The following CNTN5 variants were observed in gnomAD, a reference collection of about 807,000 sequenced individuals.
CNTN5 encodes contactin-5.
A neutral mutation model predicts 129.1 loss-of-function variants in CNTN5; 77 were observed. The ratio of observed to expected loss-of-function variants is 0.60; its 90% CI spans 0.50 to 0.72. CNTN5 has a LOEUF of 0.72. CNTN5 is among the 30% of genes least tolerant of loss of function. The pLI is 0.00. For missense variants in CNTN5, 1,478 were observed against 1,328.8 expected, an observed-to-expected ratio of 1.11 and a Z score of -1.75; for synonymous variants, 509 against 465.6, an observed-to-expected ratio of 1.09 and a Z score of -1.20.
At chr11:100,346,583 A>G (rs1353996571) in intron 23 of CNTN5, among the ~76,000 whole-genome samples, 1 of 152,128 alleles carries the variant, frequency 6.6e-6, no homozygotes. Context: ...TCAGGACCTC[A>G]GGCTATAATC....
chr11:100,338,635 G>A (rs181614065), intron 21 of CNTN5, among the ~76,000 whole-genome samples: 3 of 152,160 alleles, frequency 2.0e-5, no homozygotes, highest in Non-Finnish European at 4.4e-5. Flanking sequence ...TCGGCCTGCC[G>A]CATTCAAGCC....
intron 6 of CNTN5, among the ~76,000 whole-genome samples, chr11:99,859,577 G>A (rs952030732): frequency 8.5e-5 from 13 of 152,082 alleles, no homozygotes; most frequent in Middle Eastern, 3.4e-3. Flanking sequence ...TATTTATCTC[G>A]TACTTACAGG....
intron 15 of CNTN5, 39 bp from the exon 16 acceptor site, chr11:100,224,653 T>C: frequency 1.3e-6 from 2 of 1,590,736 alleles, no homozygotes; most frequent in South Asian, 2.3e-5. Flanking sequence ...ACTAGGCAGA[T>C]TTGCAACATT....
intron 2 of CNTN5, among the ~76,000 whole-genome samples, chr11:99,426,913 G>A (rs565862986): frequency 6.6e-6 from 1 of 152,204 alleles, no homozygotes; most frequent in Non-Finnish European, 1.5e-5. Context: ...GACTCTAAAA[G>A]CAATACAGAA....
intron 1 of CNTN5, among the ~76,000 whole-genome samples, chr11:99,324,883 C>T (rs1442330480): frequency 5.9e-5 from 9 of 152,092 alleles, no homozygotes; most frequent in South Asian, 2.1e-4. Flanking sequence ...CCTCGTGATC[C>T]GCCTGCCTCG....
Position 100,191,107 on chromosome 11 carries a change from G to C in CNTN5, c.1581-19G>C, listed in dbSNP as rs115119611. 2.0e-6 allele frequency: 3 copies of C among 1,526,186 alleles called. No individual in the cohort carries two copies. 94.5% of individuals were successfully genotyped at this position (1,526,186 alleles called of 1,614,324 possible). On this transcript the variant is annotated intron_variant, in intron 13 of 24. Coordinates refer to ENST00000524871, the MANE Select transcript of CNTN5 (RefSeq NM_014361.4). Reference sequence around the variant, plus strand: ...TTGCAGTAAAACAGAAAAAAAAACTGTTTTTAAATAATTTTCAGAATAGCT... The same window carrying C: ...TTGCAGTAAAACAGAAAAAAAAACTCTTTTTAAATAATTTTCAGAATAGCT...
intron 19 of CNTN5, 125 bp downstream of exon 19, chr11:100,297,820 G>C (rs1951128344): frequency 5.7e-6 from 4 of 699,044 alleles, no homozygotes; most frequent in South Asian, 5.5e-5. Flanking sequence ...TGGGAGGAAG[G>C]AATGAACCAC....
At chr11:99,175,924 T>A (rs1284438367) in intron 1 of CNTN5, among the ~76,000 whole-genome samples, 2 of 152,148 alleles carry the variant, frequency 1.3e-5, no homozygotes, top group African/African-American at 4.8e-5. Context: ...TTTAAAAGTT[T>A]CAGCTGGTTT....
In CNTN5 at chr11:100,141,720, G is replaced by T. The variant is rs150104480; in HGVS notation, c.1581-49406G>T. 6.9e-4 allele frequency among the ~76,000 whole-genome samples: 105 copies of T among 152,198 alleles called. No homozygotes were observed. The East Asian group carries it at 0.018, about 26-fold the overall frequency. ...GCGTAAGAAATCCTAACCTGACAGG[G>T]TTATTCAAGTGATTTAACTGGTGAT... is the stretch of plus-strand genomic sequence containing the variant. On this transcript the variant is annotated intron_variant, in intron 13 of 24. Transcript: ENST00000524871.
chr11:99,254,431 T>C (rs1862273855), intron 1 of CNTN5, among the ~76,000 whole-genome samples: 1 of 152,018 alleles, frequency 6.6e-6, no homozygotes, highest in African/African-American at 2.4e-5. Flanking sequence ...AGTAGTCATT[T>C]TGTTTTTCTC....
At chr11:99,580,225 A>C (rs1289115100) in intron 3 of CNTN5, among the ~76,000 whole-genome samples, 3 of 152,084 alleles carry the variant, frequency 2.0e-5, no homozygotes, top group East Asian at 1.9e-4. Context: ...TGCTGGATTC[A>C]GTTTGCCAGT....
At chr11:99,544,317 C>T (rs901946312) in intron 2 of CNTN5, among the ~76,000 whole-genome samples, 5 of 152,172 alleles carry the variant, frequency 3.3e-5, no homozygotes, top group Non-Finnish European at 7.3e-5. Context: ...TACAACTCAA[C>T]ATGAGATTTA....
chr11:99,719,198 A>G (rs1943084946), intron 3 of CNTN5, among the ~76,000 whole-genome samples: 1 of 152,002 alleles, frequency 6.6e-6, no homozygotes, highest in Admixed American at 6.6e-5. Flanking sequence ...ACACACTTCT[A>G]GTCCCAGCTA....
At chr11:99,754,524 A>T (rs945138767) in intron 3 of CNTN5, among the ~76,000 whole-genome samples, 1 of 152,230 alleles carries the variant, frequency 6.6e-6, no homozygotes, top group African/African-American at 2.4e-5. Context: ...TTTCTTAAAC[A>T]GAGACAATTA....
In CNTN5 at chr11:99,956,823, G is replaced by C. The variant is rs540994363; in HGVS notation, c.691G>C (p.Val231Leu). 6.2e-6 allele frequency: 10 copies of C among 1,613,838 alleles called. No homozygotes were observed. In the African/African-American group the frequency reaches 1.1e-4, roughly 17 times the overall value. ...ATTTTCAGAGATCATCTATAGCTGG[G>C]TATTTAATGAGTTCCCTTCCTTTGT... ...PHSPEIIYSW[V>L]FNEFPSFVAE... Residue 231 changes from valine (V) to leucine (L), a missense_variant, in exon 8 of 25, where the codon GTA (valine) becomes CTA (leucine). By Grantham distance (32) the Val-to-Leu change is conservative. Coordinates refer to ENST00000524871, the MANE Select transcript of CNTN5 (RefSeq NM_014361.4).
At chr11:99,707,882 AC>A (rs1261732982) in intron 3 of CNTN5, among the ~76,000 whole-genome samples, 3 of 151,600 alleles carry the variant, frequency 2.0e-5, no homozygotes, top group Non-Finnish European at 4.4e-5. Flanking sequence ...AAAATGGGAA[AC>A]CTATTTTATC....
chr11:99,903,708 T>A (rs1381966125), intron 6 of CNTN5, among the ~76,000 whole-genome samples: 1 of 152,172 alleles, frequency 6.6e-6, no homozygotes, highest in Non-Finnish European at 1.5e-5. Context: ...TTTAAAACTA[T>A]GGTAGTTTCC....
At position 100,079,280 on chromosome 11, in the gene CNTN5, T is replaced by G. The variant is rs527408864; in HGVS notation, c.1580+4986T>G. ...TACTGGCATCCATTTCTGTTATCAG[T>G]AGTCTGGAAATGCTTACCATTCTCC... On this transcript the variant is annotated intron_variant, in intron 13 of 24. Transcript: ENST00000524871. Among the ~76,000 whole-genome samples the G allele has an allele frequency of 1.7e-4, 26 of 152,302 alleles. No individual in the cohort carries two copies. The South Asian group carries it at 5.2e-3, about 30-fold the overall frequency.
At chr11:100,133,423 C>CT (rs1946433428) in intron 13 of CNTN5, among the ~76,000 whole-genome samples, 1 of 152,096 alleles carries the variant, frequency 6.6e-6, no homozygotes, top group African/African-American at 2.4e-5. Context: ...AGTATAGCTT[C>CT]TCACTGAGAT....
Sources: allele counts gnomAD v4.1 joint callset (sites outside exome capture counted in the v4.1 genomes callset), GRCh38; gene constraint gnomAD v4.1.1; transcripts MANE v1.5; gene names NCBI Gene and HGNC (gene_info 2026-07-23, HGNC 2026-07-21).